Variants in LRP1B observed in about 807,000 individuals in gnomAD.
LRP1B encodes the protein low-density lipoprotein receptor-related protein 1B.
A neutral mutation model predicts 556.6 loss-of-function variants in LRP1B; 217 were observed. The observed-to-expected ratio is 0.39, with a 90% CI of 0.35 to 0.44. The LOEUF (loss-of-function observed/expected upper bound fraction) is 0.44. LRP1B is among the 20% of genes least tolerant of loss of function. The pLI is 1.00. For missense variants in LRP1B, 5,053 were observed against 5,620.8 expected (o/e 0.90, Z 3.23); for synonymous variants, 2,047 against 1,865.8 (o/e 1.10, Z -2.50).
At chr2:141,605,108 C>T (rs1347275925) in intron 2 of LRP1B, among the ~76,000 whole-genome samples, 6 of 152,002 alleles carry the variant, frequency 3.9e-5, no homozygotes, top group Non-Finnish European at 5.9e-5. Flanking sequence ...TCCTGCGTCA[C>T]TATGGAGCAC....
chr2:141,413,508 C>G (rs1397604071), intron 3 of LRP1B, among the ~76,000 whole-genome samples: 1 of 152,170 alleles, frequency 6.6e-6, no homozygotes, highest in Non-Finnish European at 1.5e-5. Flanking sequence ...CCAACACCAT[C>G]ATAATCCTGG....
intron 1 of LRP1B, among the ~76,000 whole-genome samples, chr2:141,889,658 C>G (rs553076986): frequency 6.6e-6 from 1 of 152,120 alleles, no homozygotes; most frequent in Non-Finnish European, 1.5e-5. Flanking sequence ...GACTGTCACA[C>G]TTTGCATAAT....
intron 3 of LRP1B, among the ~76,000 whole-genome samples, chr2:141,275,230 T>G (rs768595841): frequency 6.6e-6 from 1 of 152,224 alleles, no homozygotes; most frequent in Non-Finnish European, 1.5e-5. Flanking sequence ...GCATACTATG[T>G]GGTTCAGCTC....
chr2:141,015,879 T>A lies in LRP1B; in HGVS notation c.2007A>T (p.Ile669=), dbSNP rs2105389676. ...TCTCAATCCTTCCCACGCTGTCATC[T>A]ATTTCATCTTCCTCCCAGTCTGTCC... is the stretch of plus-strand genomic sequence containing the variant. ...MYWTDWEEDE[I]DDSVGRIEKA... is the part of the protein sequence containing the mutation. The change falls in exon 13 of 91, where the codon ATA becomes ATT. Residue 669 remains isoleucine, a synonymous_variant. Transcript: ENST00000389484. 6.2e-7 allele frequency: 1 copy of A among 1,613,564 alleles called. No individual in the cohort carries two copies. The highest frequency in any genetic ancestry group is 8.5e-7 in the Non-Finnish European group (1 of 1,179,724).
intron 22 of LRP1B, 46 bp downstream of exon 22, chr2:140,907,831 G>T (rs2105231343): frequency 6.6e-7 from 1 of 1,520,714 alleles, no homozygotes; most frequent in Non-Finnish European, 9.1e-7. Context: ...TGAACTAAAA[G>T]GTTGTAGTTT....
At chr2:142,020,023 T>C (rs1703281983) in intron 1 of LRP1B, among the ~76,000 whole-genome samples, 2 of 152,366 alleles carry the variant, frequency 1.3e-5, no homozygotes, top group African/African-American at 4.8e-5. Flanking sequence ...CATTTATTTA[T>C]TATATTTAGT....
intron 3 of LRP1B, among the ~76,000 whole-genome samples, chr2:141,388,032 A>T (rs1417643213): frequency 6.6e-6 from 1 of 152,238 alleles, no homozygotes; most frequent in Non-Finnish European, 1.5e-5. Context: ...TAAGAAAATC[A>T]ATGAAATATG....
intron 1 of LRP1B, among the ~76,000 whole-genome samples, chr2:142,120,443 G>C (rs1707421502): frequency 6.6e-6 from 1 of 152,072 alleles, no homozygotes; most frequent in Non-Finnish European, 1.5e-5. Context: ...TTTCCAGGGA[G>C]GGTGATGAAT....
At chr2:141,024,486 G>C (rs1277734107) in intron 11 of LRP1B, among the ~76,000 whole-genome samples, 1 of 152,000 alleles carries the variant, frequency 6.6e-6, no homozygotes, top group African/African-American at 2.4e-5. Context: ...CAATGGGTCA[G>C]GGGATACAGA....
chr2:140,680,756 G>A (rs929184182), intron 41 of LRP1B, among the ~76,000 whole-genome samples: 20 of 152,158 alleles, frequency 1.3e-4, no homozygotes, highest in African/African-American at 4.8e-4. Context: ...CATTACGTTT[G>A]TGAGGAGTGA....
chr2:140,387,588 T>G (rs34317857), intron 66 of LRP1B, among the ~76,000 whole-genome samples: 10,590 of 151,890 alleles, frequency 0.07, 422 homozygotes, highest in Middle Eastern at 0.14. Flanking sequence ...TTTTTTTTTT[T>G]AAGTATTGCC....
At chr2:140,728,885 G>T (rs1687683685) in intron 35 of LRP1B, among the ~76,000 whole-genome samples, 1 of 151,932 alleles carries the variant, frequency 6.6e-6, no homozygotes, top group Admixed American at 6.6e-5. Flanking sequence ...GGAAGTAATA[G>T]AACTGTGAAG....
At chr2:141,472,047 G>A (rs1402040457) in intron 3 of LRP1B, among the ~76,000 whole-genome samples, 2 of 152,146 alleles carry the variant, frequency 1.3e-5, no homozygotes, top group Non-Finnish European at 2.9e-5. Context: ...TGAGTTTTCT[G>A]GCTTTTTGTG....
intron 2 of LRP1B, among the ~76,000 whole-genome samples, chr2:141,797,741 T>G (rs1160718823): frequency 6.6e-6 from 1 of 152,124 alleles, no homozygotes; most frequent in Non-Finnish European, 1.5e-5. Context: ...ACGAAGCTAT[T>G]AAGCAGCATC....
chr2:140,689,629 C>T (rs575918913), intron 41 of LRP1B, among the ~76,000 whole-genome samples: 152 of 152,290 alleles, frequency 1.0e-3, no homozygotes, highest in Middle Eastern at 3.4e-3. Flanking sequence ...AATATTGGGA[C>T]GCTAATTCAT....
intron 3 of LRP1B, among the ~76,000 whole-genome samples, chr2:141,319,161 C>T (rs1687136290): frequency 2.0e-5 from 3 of 151,960 alleles, no homozygotes; most frequent in Non-Finnish European, 4.4e-5. Context: ...GTAAAGCAAA[C>T]ACATATTTGT....
intron 1 of LRP1B, among the ~76,000 whole-genome samples, chr2:142,036,958 T>C (rs1703902479): frequency 1.3e-5 from 2 of 151,702 alleles, no homozygotes; most frequent in African/African-American, 2.4e-5. Context: ...ATTATAAGGA[T>C]GCATTGATAC....
At chr2:141,979,511 C>A (rs1468521578) in intron 1 of LRP1B, among the ~76,000 whole-genome samples, 5 of 152,002 alleles carry the variant, frequency 3.3e-5, no homozygotes, top group African/African-American at 1.2e-4. Context: ...TATTAAGAAT[C>A]TTATTTTATA....
chr2:141,233,809 G>A (rs552500023), intron 5 of LRP1B, among the ~76,000 whole-genome samples: 1 of 152,064 alleles, frequency 6.6e-6, no homozygotes, highest in African/African-American at 2.4e-5. Flanking sequence ...AGTGATTGAA[G>A]TAATGAATTC....
Sources: gnomAD v4.1 joint callset for allele counts (sites outside exome capture counted in the v4.1 genomes callset) on GRCh38, gnomAD v4.1.1 for gene constraint, MANE v1.5 for transcripts, NCBI Gene and HGNC (gene_info 2026-07-23, HGNC 2026-07-21) for gene names.